TMEM272: variants seen among roughly 807,000 people sequenced by gnomAD.
TMEM272 encodes transmembrane protein 272.
Under a neutral mutation model 3.7 loss-of-function variants are expected in TMEM272, and 8 were observed. That is an observed-to-expected ratio of 2.17 (90% CI 1.27 to 3.91). The LOEUF is 3.91. Among genes scored for constraint, TMEM272 ranks in the 30% most tolerant of loss-of-function variants. The pLI is 0.00. For synonymous variants in TMEM272, 63 were observed against 39.8 expected (o/e 1.58, Z -2.20); for missense variants, 166 against 91.5 (o/e 1.81, Z -3.32).
chr13:51,830,759 G>A (rs907947059), intron 2 of TMEM272, among the ~76,000 whole-genome samples: 1 of 152,184 alleles, frequency 6.6e-6, no homozygotes, highest in African/African-American at 2.4e-5. Flanking sequence ...GAGCAGAGAT[G>A]AGACTGTTCT....
the TMEM272 span, among the ~76,000 whole-genome samples, chr13:51,903,829 G>A: frequency 6.6e-6 from 1 of 152,176 alleles, no homozygotes; most frequent in Non-Finnish European, 1.5e-5. Flanking sequence ...GGGCAGAAAA[G>A]AGAACCATAT....
the TMEM272 span, chr13:51,909,790 C>T: frequency 4.5e-5 from 72 of 1,585,884 alleles, no homozygotes; most frequent in South Asian, 7.5e-4. Context: ...AGCACAGCAG[C>T]CTGATCTTTG....
At chr13:51,871,136 C>T in the TMEM272 span, among the ~76,000 whole-genome samples, 1 of 151,808 alleles carries the variant, frequency 6.6e-6, no homozygotes, top group Non-Finnish European at 1.5e-5. Context: ...CCCACCCACA[C>T]TGAGTAGGGC....
chr13:51,912,736 G>A, the TMEM272 span, among the ~76,000 whole-genome samples: 21 of 152,092 alleles, frequency 1.4e-4, no homozygotes, highest in African/African-American at 9.7e-5. Context: ...CACCCATCAC[G>A]GCTTTGGAAG....
chr13:51,910,331 G>C, the TMEM272 span: 5 of 1,325,544 alleles, frequency 3.8e-6, no homozygotes, highest in Non-Finnish European at 5.4e-6. Context: ...TTTGAACAAG[G>C]CTAAATTTTT....
At chr13:51,822,485 G>C (rs1401336968) in intron 3 of TMEM272, among the ~76,000 whole-genome samples, 1 of 152,158 alleles carries the variant, frequency 6.6e-6, no homozygotes, top group Non-Finnish European at 1.5e-5. Flanking sequence ...AGGATTCAAA[G>C]GATCCCTTTA....
the TMEM272 span, among the ~76,000 whole-genome samples, chr13:51,925,648 C>T: frequency 7.9e-5 from 12 of 152,108 alleles, no homozygotes; most frequent in South Asian, 4.1e-4. Context: ...TAACTCATGC[C>T]CCTTCCACAC....
upstream of TMEM272, among the ~76,000 whole-genome samples, chr13:51,849,352 G>A (rs991285322): frequency 2.6e-5 from 4 of 152,224 alleles, no homozygotes; most frequent in East Asian, 1.9e-4. Context: ...AGGGGAGCAC[G>A]GGGAGCTGCT....
At chr13:51,864,406 T>C in the TMEM272 span, among the ~76,000 whole-genome samples, 1 of 152,210 alleles carries the variant, frequency 6.6e-6, no homozygotes, top group Admixed American at 6.5e-5. Context: ...ACTTCCTTGC[T>C]TTTCTCTTTC....
the TMEM272 span, among the ~76,000 whole-genome samples, chr13:51,851,379 A>AGAG: frequency 1.7e-4 from 26 of 150,296 alleles, no homozygotes; most frequent in Non-Finnish European, 3.1e-4. Flanking sequence ...AAGAAGAGGA[A>AGAG]GAGGAGGAGG....
chr13:51,922,033 G>A, the TMEM272 span, among the ~76,000 whole-genome samples: 35 of 152,192 alleles, frequency 2.3e-4, no homozygotes, highest in Admixed American at 1.9e-3. Context: ...AAGACTTAAC[G>A]TCTTTGTTTT....
At chr13:51,923,027 G>T in the TMEM272 span, among the ~76,000 whole-genome samples, 1 of 152,206 alleles carries the variant, frequency 6.6e-6, no homozygotes, top group African/African-American at 2.4e-5. Flanking sequence ...TGTCTTGGGG[G>T]CCACTGTTCT....
At chr13:51,858,633 T>C in the TMEM272 span, among the ~76,000 whole-genome samples, 1 of 152,228 alleles carries the variant, frequency 6.6e-6, no homozygotes, top group African/African-American at 2.4e-5. Context: ...ACTTTCTCCT[T>C]AGCTCAGCTA....
At chr13:51,858,588 C>T in the TMEM272 span, among the ~76,000 whole-genome samples, 4 of 152,224 alleles carry the variant, frequency 2.6e-5, no homozygotes, top group African/African-American at 4.8e-5. Context: ...ACATGTGAGA[C>T]GCAGGTAAGT....
intron 4 of TMEM272, among the ~76,000 whole-genome samples, chr13:51,820,161 A>G (rs1287459900): frequency 6.6e-6 from 1 of 152,142 alleles, no homozygotes; most frequent in Non-Finnish European, 1.5e-5. Context: ...AGCCTACTTA[A>G]TTCATTTCCT....
the TMEM272 span, among the ~76,000 whole-genome samples, chr13:51,895,407 T>C: frequency 6.6e-6 from 1 of 152,134 alleles, no homozygotes; most frequent in Non-Finnish European, 1.5e-5. Flanking sequence ...CACTCGGTAG[T>C]AACTGCAGGG....
chr13:51,861,078 A>C, the TMEM272 span, among the ~76,000 whole-genome samples: 2 of 152,168 alleles, frequency 1.3e-5, no homozygotes, highest in African/African-American at 4.8e-5. Context: ...AAGTGAAATA[A>C]GCCAGACACA....
At chr13:51,890,270 AG>A in the TMEM272 span, among the ~76,000 whole-genome samples, 2 of 152,064 alleles carry the variant, frequency 1.3e-5, no homozygotes, top group Non-Finnish European at 1.5e-5. Flanking sequence ...GCCTAATGGG[AG>A]GAGTTTGCAT....
chr13:51,856,954 G>C, the TMEM272 span, among the ~76,000 whole-genome samples: 1 of 152,068 alleles, frequency 6.6e-6, no homozygotes, highest in African/African-American at 2.4e-5. Context: ...GAAAACAAAG[G>C]CACTTCTATT....
Sources: allele counts gnomAD v4.1 joint callset (sites outside exome capture counted in the v4.1 genomes callset), GRCh38; gene constraint gnomAD v4.1.1; transcripts MANE v1.5; gene names NCBI Gene and HGNC (gene_info 2026-07-23, HGNC 2026-07-21).